The following THRB variants were observed in gnomAD, a reference collection of about 807,000 sequenced individuals.
THRB encodes the protein thyroid hormone receptor beta, also known as nuclear receptor subfamily 1 group A member 2.
A neutral mutation model predicts 47.8 loss-of-function variants in THRB; 12 were observed. The ratio of observed to expected loss-of-function variants is 0.25; its 90% CI spans 0.16 to 0.41. The LOEUF (loss-of-function observed/expected upper bound fraction) is 0.41. Among genes scored for constraint, THRB ranks in the 10% least tolerant of loss-of-function variants. The probability of loss-of-function intolerance (pLI) is 1.00; values close to 1 mark genes in which losing one functional copy is unlikely to be tolerated. For synonymous variants in THRB, 218 were observed against 212.2 expected (o/e 1.03, Z -0.24); for missense variants, 348 against 589.2 (o/e 0.59, Z 4.24).
chr3:24,436,076 T>C (rs1273390821), intron 1 of THRB, among the ~76,000 whole-genome samples: 2 of 151,806 alleles, frequency 1.3e-5, no homozygotes, highest in Non-Finnish European at 2.9e-5. Flanking sequence ...CAGAAAACAA[T>C]AAAATTTCTG....
In THRB at chr3:24,457,227, C is replaced by G. The variant is rs971055238; in HGVS notation, c.-261+37425G>C. Among the ~76,000 whole-genome samples, 4 of 152,132 alleles carry G rather than the reference C, an allele frequency of 2.6e-5. No homozygotes were observed. In the South Asian group the frequency reaches 8.3e-4, roughly 32 times the overall value. Reference sequence around the variant, plus strand: ...ACCACAGGACAATACTGAGGGGTAGCTGTCCTGTTTAGGCAAGCTATACTC... The same window carrying G: ...ACCACAGGACAATACTGAGGGGTAGGTGTCCTGTTTAGGCAAGCTATACTC... On this transcript the variant is annotated intron_variant, in intron 1 of 10. Transcript: ENST00000646209.
intron 9 of THRB, among the ~76,000 whole-genome samples, chr3:24,128,693 G>A (rs1350580615): frequency 7.4e-6 from 1 of 136,046 alleles, no homozygotes; most frequent in Non-Finnish European, 1.5e-5. Flanking sequence ...GCAGTACAAT[G>A]AAGTAAATAT....
chr3:24,409,425 A>G (rs145228652), intron 1 of THRB, among the ~76,000 whole-genome samples: 25 of 151,996 alleles, frequency 1.6e-4, no homozygotes, highest in Non-Finnish European at 3.1e-4. Flanking sequence ...AATATAGCAT[A>G]GCAGTTAAGA....
intron 5 of THRB, among the ~76,000 whole-genome samples, chr3:24,186,056 G>A (rs558793567): frequency 6.6e-6 from 1 of 152,324 alleles, no homozygotes; most frequent in South Asian, 2.1e-4. Flanking sequence ...TGCAGTCAGG[G>A]AAGGGAAGAA....
intron 1 of THRB, among the ~76,000 whole-genome samples, chr3:24,345,989 C>T (rs1204809880): frequency 1.3e-5 from 2 of 151,388 alleles, no homozygotes; most frequent in Non-Finnish European, 2.9e-5. Flanking sequence ...ATAAAGCAGA[C>T]CAAAACTAAA....
At chr3:24,348,691 G>A (rs147268540) in intron 1 of THRB, 1 of 152,148 alleles carries the variant, frequency 6.6e-6, no homozygotes, top group East Asian at 1.9e-4. Context: ...GATCCTTAAA[G>A]ACCTCACAAG....
chr3:24,202,133 A>C (rs2044665320), intron 4 of THRB, among the ~76,000 whole-genome samples: 1 of 152,200 alleles, frequency 6.6e-6, no homozygotes, highest in African/African-American at 2.4e-5. Flanking sequence ...GGCTTAGATG[A>C]TCATCTCAGG....
At chr3:24,142,477 C>T (rs918000267) in intron 8 of THRB, among the ~76,000 whole-genome samples, 1 of 152,176 alleles carries the variant, frequency 6.6e-6, no homozygotes, top group Admixed American at 6.5e-5. Flanking sequence ...GAAAAAGATC[C>T]ACTATCTCAT....
At chr3:24,233,591 G>GAAAGAAAGAAAGAAAGAAAGAAAAAT (rs1553658402) in intron 3 of THRB, among the ~76,000 whole-genome samples, 2,277 of 69,292 alleles carry the variant, frequency 0.033, 39 homozygotes, top group South Asian at 0.088. Context: ...AAGAAAGAAA[G>GAAAGAAAGAAAGAAAGAAAGAAAAAT]AAAGAAAGAA....
chr3:24,172,812 C>T (rs985705097), intron 5 of THRB, among the ~76,000 whole-genome samples: 1 of 152,146 alleles, frequency 6.6e-6, no homozygotes, highest in East Asian at 1.9e-4. Flanking sequence ...GTGGCTTCCT[C>T]AACCTGGACA....
intron 5 of THRB, among the ~76,000 whole-genome samples, chr3:24,152,872 T>C (rs187868690): frequency 3.1e-3 from 462 of 150,366 alleles, no homozygotes; most frequent in Non-Finnish European, 5.5e-3. Context: ...TGAGGCAAGA[T>C]AATCACTTGA....
chr3:24,394,361 C>A (rs918611278), intron 1 of THRB, among the ~76,000 whole-genome samples: 1 of 152,216 alleles, frequency 6.6e-6, no homozygotes, highest in East Asian at 1.9e-4. Flanking sequence ...ACTTTTAGAG[C>A]TAAAGAGAGG....
chr3:24,193,340 T>G (rs1405694403), intron 4 of THRB, among the ~76,000 whole-genome samples: 1 of 152,148 alleles, frequency 6.6e-6, no homozygotes, highest in African/African-American at 2.4e-5. Flanking sequence ...CTTTTTGAAA[T>G]TTGGATAGGG....
At chr3:24,418,752 A>G (rs2068973051) in intron 1 of THRB, among the ~76,000 whole-genome samples, 1 of 151,936 alleles carries the variant, frequency 6.6e-6, no homozygotes, top group Non-Finnish European at 1.5e-5. Flanking sequence ...CCACATGCTA[A>G]GAAATCAACA....
intron 7 of THRB, among the ~76,000 whole-genome samples, chr3:24,146,296 C>T (rs2036092213): frequency 6.6e-6 from 1 of 152,204 alleles, no homozygotes; most frequent in African/African-American, 2.4e-5. Flanking sequence ...CATGTGAACA[C>T]TGTGTATAGA....
At chr3:24,348,738 G>A (rs1422270622) in intron 1 of THRB, 1 of 152,088 alleles carries the variant, frequency 6.6e-6, no homozygotes. Context: ...CACTGGGATT[G>A]GAAGAAAACG....
chr3:24,473,086 T>G (rs1694941325), intron 1 of THRB, among the ~76,000 whole-genome samples: 1 of 152,118 alleles, frequency 6.6e-6, no homozygotes, highest in African/African-American at 2.4e-5. Flanking sequence ...GTATTATAAT[T>G]AAGAAACAGA....
chr3:24,275,693 GCTT>G (rs746238479), intron 3 of THRB, among the ~76,000 whole-genome samples: 5 of 152,146 alleles, frequency 3.3e-5, no homozygotes, highest in South Asian at 2.1e-4. Context: ...GTTTTTGCCG[GCTT>G]CTTTTCTGTC....
chr3:24,416,702 T>C (rs947167393), intron 1 of THRB, among the ~76,000 whole-genome samples: 2 of 151,826 alleles, frequency 1.3e-5, no homozygotes, highest in Admixed American at 1.3e-4. Flanking sequence ...AGGGATAAAA[T>C]GCAGTTTCTG....
Sources: allele counts gnomAD v4.1 joint callset (sites outside exome capture counted in the v4.1 genomes callset), GRCh38; gene constraint gnomAD v4.1.1; transcripts MANE v1.5; gene names NCBI Gene and HGNC (gene_info 2026-07-23, HGNC 2026-07-21).